Variants in CSMD3 observed in about 807,000 individuals in gnomAD.
The protein encoded by CSMD3 is CUB and Sushi multiple domains 3.
In CSMD3, 177 loss-of-function variants were observed where a neutral mutation model predicts 435.2. That is an observed-to-expected ratio of 0.41 (90% confidence interval 0.36 to 0.46). The LOEUF (loss-of-function observed/expected upper bound fraction) is 0.46. Ranked by LOEUF, CSMD3 falls within the 20% of genes least tolerant of loss-of-function variation. The pLI is 0.34. For synonymous variants in CSMD3, 1,656 were observed against 1,520.5 expected (o/e 1.09, Z -2.07); for missense variants, 4,265 against 4,504.6 (o/e 0.95, Z 1.52).
intron 47 of CSMD3, among the ~76,000 whole-genome samples, chr8:112,314,930 T>A (rs968693762): frequency 5.3e-5 from 8 of 151,920 alleles, no homozygotes; most frequent in Non-Finnish European, 1.2e-4. Flanking sequence ...CCTCTCCTAA[T>A]CTTTTGTTCT....
At chr8:113,253,234 C>T (rs938133494) in intron 3 of CSMD3, among the ~76,000 whole-genome samples, 2 of 148,232 alleles carry the variant, frequency 1.3e-5, no homozygotes, top group African/African-American at 2.5e-5. Flanking sequence ...AAAAAACTGA[C>T]TTTTTTTTTT....
intron 3 of CSMD3, among the ~76,000 whole-genome samples, chr8:113,247,252 C>G (rs1241489461): frequency 1.3e-5 from 2 of 152,170 alleles, no homozygotes; most frequent in East Asian, 3.9e-4. Context: ...GATCTTCCCA[C>G]TGAGCAGTTC....
intron 8 of CSMD3, among the ~76,000 whole-genome samples, chr8:112,951,362 T>C (rs1025771513): frequency 5.3e-5 from 8 of 151,826 alleles, no homozygotes; most frequent in Non-Finnish European, 7.4e-5. Flanking sequence ...GTATGATTTC[T>C]TATGGCTTCT....
At chr8:113,340,188 G>C (rs570150543) in intron 1 of CSMD3, among the ~76,000 whole-genome samples, 33 of 151,766 alleles carry the variant, frequency 2.2e-4, no homozygotes, top group Non-Finnish European at 4.3e-4. Context: ...TTATTGACTT[G>C]TAAGTTTTGT....
At chr8:113,118,555 G>C (rs967312809) in intron 4 of CSMD3, among the ~76,000 whole-genome samples, 4 of 152,078 alleles carry the variant, frequency 2.6e-5, no homozygotes, top group African/African-American at 9.7e-5. Flanking sequence ...CCAAAACTTT[G>C]GGAGGCTCAG....
intron 1 of CSMD3, among the ~76,000 whole-genome samples, chr8:113,325,750 G>A (rs2093979497): frequency 1.3e-5 from 2 of 152,142 alleles, no homozygotes; most frequent in African/African-American, 4.8e-5. Flanking sequence ...AAACTCACCT[G>A]CTCTCTCCTA....
rs1827485384 is a variant in CSMD3, at chr8:112,549,501, C to T, written c.4564+1170G>A. On this transcript the variant is annotated intron_variant, in intron 27 of 70. Transcript: ENST00000297405. ...TGTTAGTAGGGAGAATAATTGTGTT[C>T]CATAAACAAAAAGTCAGCCAAGACA... Among the ~76,000 whole-genome samples, 3 of 152,042 alleles carry T rather than the reference C, an allele frequency of 2.0e-5. No homozygotes were observed. The South Asian group carries it at 6.2e-4, about 32-fold the overall frequency.
intron 35 of CSMD3, among the ~76,000 whole-genome samples, chr8:112,391,641 GA>G (rs1200783208): frequency 1.3e-5 from 2 of 151,316 alleles, no homozygotes; most frequent in Non-Finnish European, 2.9e-5. Context: ...GCAATGAGCT[GA>G]GATTGCGCCA....
At chr8:113,092,711 C>T (rs2090044566) in intron 5 of CSMD3, among the ~76,000 whole-genome samples, 1 of 152,120 alleles carries the variant, frequency 6.6e-6, no homozygotes, top group African/African-American at 2.4e-5. Flanking sequence ...AAGATATGAT[C>T]TTGGGAATGA....
At chr8:112,353,009 A>T (rs1826271425) in intron 38 of CSMD3, among the ~76,000 whole-genome samples, 1 of 152,156 alleles carries the variant, frequency 6.6e-6, no homozygotes, top group Non-Finnish European at 1.5e-5. Context: ...TAAATTTATG[A>T]GGTACATTTT....
rs764268888 is a variant in CSMD3 at position 112,517,108 on chromosome 8, T to C, written c.4682A>G (p.Gln1561Arg). ...VFQCDPGYEL[Q>R]GEERITCIQV... ...AATGCAGGTTATTCTTTCCTCTCCT[T>C]GAAGTTCATATCCTGGGTCACATTG... Residue 1561 changes from glutamine to arginine, a missense_variant, in exon 28 of 71, where the codon CAA (glutamine) becomes CGA (arginine). Transcript: ENST00000297405. The C allele has an allele frequency of 1.9e-6, 3 of 1,613,968 alleles. No individual in the cohort carries two copies. The East Asian group carries it at 6.7e-5, about 36-fold the overall frequency.
chr8:112,275,893 A>G (rs1435291443), intron 59 of CSMD3, among the ~76,000 whole-genome samples: 1 of 152,194 alleles, frequency 6.6e-6, no homozygotes, highest in Non-Finnish European at 1.5e-5. Context: ...CACAAATCTC[A>G]TATCCTCACA....
At chr8:113,145,230 A>G (rs2091645728) in intron 4 of CSMD3, among the ~76,000 whole-genome samples, 1 of 151,524 alleles carries the variant, frequency 6.6e-6, no homozygotes, top group African/African-American at 2.4e-5. Context: ...AGGCTATTGT[A>G]AAGACTTGGC....
At chr8:112,841,062 A>G (rs2132530988) in intron 11 of CSMD3, among the ~76,000 whole-genome samples, 1 of 151,898 alleles carries the variant, frequency 6.6e-6, no homozygotes, top group South Asian at 2.1e-4. Context: ...AAATCAAGGT[A>G]AGATGATAGA....
At chr8:112,544,214 T>C (rs1326764802) in intron 27 of CSMD3, among the ~76,000 whole-genome samples, 1 of 152,186 alleles carries the variant, frequency 6.6e-6, no homozygotes, top group Admixed American at 6.5e-5. Context: ...AAAGTAGATC[T>C]CGTGTTAATT....
chr8:112,661,815 G>C (rs2075386877), intron 17 of CSMD3, among the ~76,000 whole-genome samples: 1 of 151,904 alleles, frequency 6.6e-6, no homozygotes, highest in Non-Finnish European at 1.5e-5. Context: ...ACTGCTGTTT[G>C]ATAAAAAATA....
chr8:112,833,954 A>G (rs976495734), intron 11 of CSMD3, among the ~76,000 whole-genome samples: 3 of 151,958 alleles, frequency 2.0e-5, no homozygotes, highest in African/African-American at 4.8e-5. Flanking sequence ...ATATGACTTA[A>G]AAGTCTAATA....
chr8:112,237,101 A>G, intron 67 of CSMD3, 89 bp downstream of exon 67: 2 of 1,389,024 alleles, frequency 1.4e-6, no homozygotes, highest in Non-Finnish European at 2.0e-6. Flanking sequence ...TAAACATTTC[A>G]CCATATAAAA....
intron 23 of CSMD3, among the ~76,000 whole-genome samples, chr8:112,574,778 TG>T (rs1490243492): frequency 6.6e-6 from 1 of 151,982 alleles, no homozygotes; most frequent in Non-Finnish European, 1.5e-5. Flanking sequence ...TGGAGTTTCA[TG>T]GGCTTCTTAG....
Sources: gnomAD v4.1 joint callset for allele counts (sites outside exome capture counted in the v4.1 genomes callset) on GRCh38, gnomAD v4.1.1 for gene constraint, MANE v1.5 for transcripts, NCBI Gene and HGNC (gene_info 2026-07-23, HGNC 2026-07-21) for gene names.